The following CST5 variants were observed in gnomAD, a reference collection of about 807,000 sequenced individuals.
CST5 encodes cystatin-D.
In CST5, 13 loss-of-function variants were observed where a neutral mutation model predicts 11.5. That is an observed-to-expected ratio of 1.13 (90% confidence interval 0.73 to 1.79). The LOEUF (loss-of-function observed/expected upper bound fraction) is 1.79, where lower values mean the gene tolerates loss of function less well. Ranked by LOEUF, CST5 falls within the 40% of genes most tolerant of loss-of-function variation. The probability of loss-of-function intolerance (pLI) is 0.00; values close to 1 mark genes in which losing one functional copy is unlikely to be tolerated. For synonymous variants in CST5, 81 were observed against 67.6 expected, an observed-to-expected ratio of 1.20 and a Z score of -0.97; for missense variants, 219 against 174.5, an observed-to-expected ratio of 1.25 and a Z score of -1.44.
intron 2 of CST5, 77 bp downstream of exon 2, chr20:23,877,428 C>T (rs1985986165): frequency 1.8e-6 from 2 of 1,121,502 alleles, no homozygotes; most frequent in African/African-American, 1.5e-5. Context: ...CAGATGCGTG[C>T]ACACACACAT....
chr20:23,879,695 G>C lies in CST5; in HGVS notation c.-19C>G, dbSNP rs114273272. ...ACATCATGTTCTACTGGGACACAGA[G>C]CAAGGAGCTGGATCTCCCAGAGAGC... On this transcript the variant is annotated 5_prime_UTR_variant, in exon 1 of 3. Transcript: ENST00000304710. 1.2e-6 allele frequency: 2 copies of C among 1,604,688 alleles called. No individual in the cohort carries two copies. The highest frequency in any genetic ancestry group is 1.7e-5 in the Admixed American group (1 of 59,680).
At chr20:23,877,740 A>G in intron 1 of CST5, 122 bp from the exon 2 acceptor site, 1 of 746,102 alleles carries the variant, frequency 1.3e-6, no homozygotes, top group Admixed American at 2.2e-5. Context: ...CTGTCACCCA[A>G]AAGGCACACA....
chr20:23,876,137 A>G lies in CST5; in HGVS notation c.*51T>C. Reference sequence around the variant, plus strand: ...CCACCAGTCCAGGGGTGGGAGCACTACAGGGGGTGGGAGTAGGAGGTGGTC... The same window carrying G: ...CCACCAGTCCAGGGGTGGGAGCACTGCAGGGGGTGGGAGTAGGAGGTGGTC... On this transcript the variant is annotated 3_prime_UTR_variant, in exon 3 of 3. Coordinates refer to ENST00000304710, the MANE Select transcript of CST5 (RefSeq NM_001900.5). 1 of 1,469,204 alleles carries G rather than the reference A, an allele frequency of 6.8e-7. No homozygotes were observed. Among genetic ancestry groups the G allele is most frequent in the Non-Finnish European group, 9.5e-7 (1 of 1,051,336 alleles). The allele number at this position is 1,469,204 out of a possible 1,614,324, so 91.0% of individuals were successfully genotyped here.
rs140331811 is a variant in CST5, at chr20:23,879,622, C to T, written c.55G>A (p.Val19Met). 1,053 of 1,614,082 alleles carry T rather than the reference C, an allele frequency of 6.5e-4. 6 individuals carry two copies. The African/African-American group carries it at 0.011, about 17-fold the overall frequency. Residue 19 changes from valine (V) to methionine (M), a missense_variant, in exon 1 of 3, where the codon GTG becomes ATG. Transcript: ENST00000304710. ...LLLLTALMVAVAGSASAQSRT... is the reference protein window; with the variant it reads ...LLLLTALMVAMAGSASAQSRT... ...GATTGGGCCGAGGCACTCCCGGCCACGGCCACCATCAAGGCAGTCAGCAGC... is the reference window on the plus strand; with the variant it reads ...GATTGGGCCGAGGCACTCCCGGCCATGGCCACCATCAAGGCAGTCAGCAGC...
Position 23,876,104 on chromosome 20 carries a change from G to T in CST5, c.*84C>A. On this transcript the variant is annotated 3_prime_UTR_variant, in exon 3 of 3. Transcript: ENST00000304710. The stretch of plus-strand genomic sequence containing the variant: ...AGGCGCATGAGGAGACCTCCCCCAG[G>T]GTGGGGGCCACCAGTCCAGGGGTGG... 2.7e-6 allele frequency: 3 copies of T among 1,121,896 alleles called. No homozygotes were observed. Among genetic ancestry groups the T allele is most frequent in the South Asian group, 1.4e-5 (1 of 71,756 alleles). 69.5% of individuals were successfully genotyped at this position (1,121,896 alleles called of 1,614,324 possible).
chr20:23,879,201 G>T lies in CST5; in HGVS notation c.231+245C>A, dbSNP rs141058817. On this transcript the variant is annotated intron_variant, in intron 1 of 2. Coordinates refer to ENST00000304710, the MANE Select transcript of CST5 (RefSeq NM_001900.5). ...CCACACCTGCTGGACCCTGGGAAAT[G>T]CCACAGTCATGGTACAGACACAGTG... Among the ~76,000 whole-genome samples, 351 of 152,284 alleles carry T rather than the reference G, an allele frequency of 2.3e-3. 1 individual carries two copies. The highest frequency in any genetic ancestry group is 8.0e-3 in the African/African-American group (334 of 41,552).
At chr20:23,878,676 G>A (rs1386018213) in intron 1 of CST5, among the ~76,000 whole-genome samples, 1 of 152,196 alleles carries the variant, frequency 6.6e-6, no homozygotes, top group Non-Finnish European at 1.5e-5. Context: ...AGGAGAAACA[G>A]GGCTGGTCTG....
In CST5 at chr20:23,876,001, A is replaced by G; in HGVS notation, c.*187T>C. The G allele has an allele frequency of 1.9e-6, 1 of 528,104 alleles. No homozygotes were observed. Among genetic ancestry groups the G allele is most frequent in the Admixed American group, 3.2e-5 (1 of 31,114 alleles). 32.7% of individuals were successfully genotyped at this position (528,104 alleles called of 1,614,324 possible). On this transcript the variant is annotated 3_prime_UTR_variant, in exon 3 of 3. Coordinates refer to ENST00000304710, the MANE Select transcript of CST5 (RefSeq NM_001900.5). ...CTGCACACTGGGGCTATGAGAAGCA[A>G]GAAGGAAGGAGCAAGGGCAGAGCCT...
chr20:23,876,490 C>A (rs778799107), intron 2 of CST5, among the ~76,000 whole-genome samples: 4 of 152,274 alleles, frequency 2.6e-5, no homozygotes, highest in African/African-American at 4.8e-5. Flanking sequence ...TGACATTGGG[C>A]CTTCACCCCA....
chr20:23,879,441 C>T lies in CST5; in HGVS notation c.231+5G>A, dbSNP rs777861346. ...CAGGACCCCCAGGGTGGTGGTAGCA[C>T]GCACCTGCTGGTAGGCAGCCATCAC... is the stretch of plus-strand genomic sequence containing the variant. On this transcript the variant is annotated splice_donor_5th_base_variant and intron_variant, in intron 1 of 2. Coordinates refer to ENST00000304710, the MANE Select transcript of CST5 (RefSeq NM_001900.5). 5.5e-5 allele frequency: 89 copies of T among 1,611,578 alleles called. No individual in the cohort carries two copies. Among genetic ancestry groups the T allele is most frequent in the South Asian group, 2.7e-4 (25 of 91,002 alleles).
At chr20:23,876,385 C>T in intron 2 of CST5, 114 bp from the exon 3 acceptor site, 2 of 797,144 alleles carry the variant, frequency 2.5e-6, no homozygotes, top group East Asian at 2.7e-5. Flanking sequence ...GACACTGCCC[C>T]CTGACCCCAA....
Position 23,876,255 on chromosome 20 carries a change from A to G in CST5, c.362T>C (p.Phe121Ser). The G allele has an allele frequency of 6.2e-7, 1 of 1,613,258 alleles. No homozygotes were observed. Among genetic ancestry groups the G allele is most frequent in the Non-Finnish European group, 8.5e-7 (1 of 1,179,212 alleles). Residue 121 changes from phenylalanine (F) to serine (S), a missense_variant, in exon 3 of 3, where the codon TTC becomes TCC. Phe to Ser is a radical substitution (Grantham distance 155). Coordinates refer to ENST00000304710, the MANE Select transcript of CST5 (RefSeq NM_001900.5). ...CTCCCAGGGAACTTCATTGATCTGGAAAGAGCAGAACTCTTCCTGTGAAAA... is the reference window on the plus strand; with the variant it reads ...CTCCCAGGGAACTTCATTGATCTGGGAAGAGCAGAACTCTTCCTGTGAAAA... ...PKLKEEEFCS[F>S]QINEVPWEDK...
chr20:23,876,965 G>T (rs1985976072), intron 2 of CST5, among the ~76,000 whole-genome samples: 1 of 152,132 alleles, frequency 6.6e-6, no homozygotes. Flanking sequence ...CCCAAAGCAG[G>T]CAGAGTTGAC....
At position 23,879,426 on chromosome 20, in the gene CST5, A is replaced by G; in HGVS notation, c.231+20T>C. 6.2e-7 allele frequency: 1 copy of G among 1,603,046 alleles called. No homozygotes were observed. Among genetic ancestry groups the G allele is most frequent in the Non-Finnish European group, 8.5e-7 (1 of 1,170,956 alleles). ...AACCCAGCTGGGACTCAGGACCCCC[A>G]GGGTGGTGGTAGCACGCACCTGCTG... On this transcript the variant is annotated intron_variant, in intron 1 of 2. Transcript: ENST00000304710.
Position 23,877,532 on chromosome 20 carries a change from G to A in CST5, c.318C>T (p.Pro106=), listed in dbSNP as rs1377134431. Residue 106 remains proline, a synonymous_variant, in exon 2 of 3, where the codon CCC becomes CCT. Transcript: ENST00000304710. ...CTTTCAGTTTTGGCTGGTCATTGAA[G>A]GGACAGTTGTCCAAGTTGGGCTGGG... ...TKSQPNLDNC[P]FNDQPKLKEE... is the part of the protein sequence containing the mutation. The A allele has an allele frequency of 1.9e-6, 3 of 1,614,158 alleles. No individual in the cohort carries two copies. Among genetic ancestry groups the A allele is most frequent in the South Asian group, 1.1e-5 (1 of 91,080 alleles).
intron 2 of CST5, among the ~76,000 whole-genome samples, chr20:23,877,029 C>A (rs892421577): frequency 2.0e-5 from 3 of 152,102 alleles, no homozygotes; most frequent in Admixed American, 1.3e-4. Context: ...AATTCATCAC[C>A]CCTATCCACA....
chr20:23,877,064 C>A (rs1019601524), intron 2 of CST5, among the ~76,000 whole-genome samples: 1 of 152,152 alleles, frequency 6.6e-6, no homozygotes, highest in African/African-American at 2.4e-5. Context: ...CACACATAGG[C>A]ATCTATATTA....
rs1193090390 is a variant in CST5 at position 23,877,362 on chromosome 20, G to A, written c.345+143C>T. The A allele has an allele frequency of 4.8e-6, 3 of 629,680 alleles. No individual in the cohort carries two copies. In the East Asian group the frequency reaches 8.2e-5, roughly 17 times the overall value. The allele number at this position is 629,680 out of a possible 1,614,324, so 39.0% of individuals were successfully genotyped here. A position where few individuals can be genotyped will look rare whatever the true frequency, so the allele number is the denominator to read the frequency against. ...ACATGAATACATCCTTGCATACGTG[G>A]CCCCACAAATATCTGCACACATGCA... On this transcript the variant is annotated intron_variant, in intron 2 of 2. Coordinates refer to ENST00000304710, the MANE Select transcript of CST5 (RefSeq NM_001900.5).
chr20:23,877,433 A>G, intron 2 of CST5, 72 bp downstream of exon 2: 1 of 1,168,404 alleles, frequency 8.6e-7, no homozygotes. Flanking sequence ...GCGTGCACAC[A>G]CACATACACA....
Sources: allele counts gnomAD v4.1 joint callset (sites outside exome capture counted in the v4.1 genomes callset), GRCh38; gene constraint gnomAD v4.1.1; transcripts MANE v1.5; gene names NCBI Gene and HGNC (gene_info 2026-07-23, HGNC 2026-07-21).